The following TIMMDC1 variants were observed in gnomAD, a reference collection of about 807,000 sequenced individuals.
TIMMDC1 encodes the protein complex I assembly factor TIMMDC1, mitochondrial.
In TIMMDC1, 25 loss-of-function variants were observed where a neutral mutation model predicts 32.6. The ratio of observed to expected loss-of-function variants is 0.77; its 90% CI spans 0.56 to 1.07. The LOEUF (loss-of-function observed/expected upper bound fraction) is 1.07. Among genes scored for constraint, TIMMDC1 ranks in the 50% least tolerant of loss-of-function variants. The pLI is 0.00. For synonymous variants in TIMMDC1, 130 were observed against 127.6 expected (o/e 1.02, Z -0.13); for missense variants, 329 against 349.2 (o/e 0.94, Z 0.46).
At position 119,523,695 on chromosome 3, in the gene TIMMDC1, T is replaced by G. The variant is rs771098508; in HGVS notation, c.797T>G (p.Ile266Ser). ...GAACCTGAGAATGATGCTAAGAAAATTGAAGCACTGCTAAACCTTCCTAGA... is the reference window on the plus strand; with the variant it reads ...GAACCTGAGAATGATGCTAAGAAAAGTGAAGCACTGCTAAACCTTCCTAGA... The part of the protein sequence containing the change: ...EDEPENDAKK[I>S]EALLNLPRNP... The change falls in exon 7 of 7, where the codon ATT (isoleucine) becomes AGT (serine). Residue 266 changes from isoleucine to serine, a missense_variant. By Grantham distance (142) the Ile-to-Ser change is moderately radical. Coordinates refer to ENST00000494664, the MANE Select transcript of TIMMDC1 (RefSeq NM_016589.4). 70 of 1,613,424 alleles carry G rather than the reference T, an allele frequency of 4.3e-5. No homozygotes were observed. Among genetic ancestry groups the G allele is most frequent in the Non-Finnish European group, 5.7e-5 (67 of 1,179,782 alleles).
chr3:119,512,587 G>A (rs905058621), intron 4 of TIMMDC1, among the ~76,000 whole-genome samples: 1 of 151,574 alleles, frequency 6.6e-6, no homozygotes, highest in Admixed American at 6.6e-5. Flanking sequence ...CCCAGTTGTT[G>A]TTTTTGTTTT....
At chr3:119,500,526 G>A in intron 1 of TIMMDC1, 169 bp from the exon 2 acceptor site, 1 of 582,032 alleles carries the variant, frequency 1.7e-6, no homozygotes, top group South Asian at 3.0e-5. Context: ...CGTTTTGTCT[G>A]AGACTACGTT....
intron 5 of TIMMDC1, among the ~76,000 whole-genome samples, chr3:119,516,251 C>G (rs1452849094): frequency 6.6e-6 from 1 of 151,828 alleles, no homozygotes; most frequent in Non-Finnish European, 1.5e-5. Context: ...AATTTCCCCT[C>G]CCCATACCCT....
intron 6 of TIMMDC1, among the ~76,000 whole-genome samples, chr3:119,519,430 A>G (rs563192924): frequency 7.2e-5 from 11 of 152,330 alleles, no homozygotes; most frequent in African/African-American, 2.6e-4. Flanking sequence ...GTTCATGCAA[A>G]TGGAAACCAT....
rs553102216 is a variant in TIMMDC1, at chr3:119,499,069, C to G, written c.194+142C>G. Reference sequence around the variant, plus strand: ...TATTTGAGGTTCTGATATTTGTAACCCAAGCTTGTATCTTTTTTCTTTCTT... The same window carrying G: ...TATTTGAGGTTCTGATATTTGTAACGCAAGCTTGTATCTTTTTTCTTTCTT... On this transcript the variant is annotated intron_variant, in intron 1 of 6. Coordinates refer to ENST00000494664, the MANE Select transcript of TIMMDC1 (RefSeq NM_016589.4). 3.1e-4 allele frequency: 205 copies of G among 660,434 alleles called. 1 individual carries two copies. In the Middle Eastern group the frequency reaches 4.6e-3, roughly 15 times the overall value. 40.9% of individuals were successfully genotyped at this position (660,434 alleles called of 1,614,324 possible).
intron 4 of TIMMDC1, among the ~76,000 whole-genome samples, chr3:119,511,248 C>G (rs1490065336): frequency 6.6e-6 from 1 of 151,796 alleles, no homozygotes; most frequent in African/African-American, 2.4e-5. Flanking sequence ...GAAGCTGAGG[C>G]GGGTGGATCA....
In TIMMDC1 at chr3:119,500,814, T is replaced by C. The variant is rs754794760; in HGVS notation, c.314T>C (p.Ile105Thr). Reference sequence around the variant, plus strand: ...TTTATTCATGCTAAACAACAATACATTGAGCAGAGCCAGGCAGAAATTTAT... The same window carrying C: ...TTTATTCATGCTAAACAACAATACACTGAGCAGAGCCAGGCAGAAATTTAT... ...PAFIHAKQQY[I>T]EQSQAEIYHN... Residue 105 changes from isoleucine to threonine, a missense_variant, in exon 2 of 7, where the codon ATT becomes ACT. Ile to Thr is a moderately conservative substitution (Grantham distance 89, BLOSUM62 -1). Coordinates refer to ENST00000494664, the MANE Select transcript of TIMMDC1 (RefSeq NM_016589.4). 2 of 1,614,062 alleles carry C rather than the reference T, an allele frequency of 1.2e-6. No homozygotes were observed. The highest frequency in any genetic ancestry group is 4.5e-5 in the East Asian group (2 of 44,872).
intron 4 of TIMMDC1, among the ~76,000 whole-genome samples, chr3:119,511,664 G>A (rs56149432): frequency 0.11 from 16,114 of 152,082 alleles, 2,098 homozygotes; most frequent in African/African-American, 0.31. Context: ...GACATTAAAT[G>A]TAAACAATGC....
Position 119,498,777 on chromosome 3 carries a change from C to T in TIMMDC1, c.44C>T (p.Ala15Val). The change falls in exon 1 of 7, where the codon GCA becomes GTA. Residue 15 changes from alanine to valine, a missense_variant. Physicochemically the swap from Ala to Val is moderately conservative, Grantham distance 64 (BLOSUM62 0). Transcript: ENST00000494664. ...GCACCGCGGAGCTTTCTCTGTAGAG[C>T]ATTGTGCCTATTTCCCCGAGTCTTT... ...PPAPRSFLCRALCLFPRVFAA... is the reference protein window; with the variant it reads ...PPAPRSFLCRVLCLFPRVFAA... 4 of 1,614,216 alleles carry T rather than the reference C, an allele frequency of 2.5e-6. No homozygotes were observed. The highest frequency in any genetic ancestry group is 3.4e-6 in the Non-Finnish European group (4 of 1,180,032).
chr3:119,515,146 T>G (rs1331843499), intron 5 of TIMMDC1, among the ~76,000 whole-genome samples: 1 of 149,672 alleles, frequency 6.7e-6, no homozygotes, highest in Non-Finnish European at 1.5e-5. Context: ...GAGGCAGAGG[T>G]TGCAGTGAGC....
In TIMMDC1 at chr3:119,498,807, C is replaced by G. The variant is rs771551783; in HGVS notation, c.74C>G (p.Ala25Gly). ...TGCCTATTTCCCCGAGTCTTTGCTGCCGAAGCTGTGACTGCCGATTCGGAA... is the reference window on the plus strand; with the variant it reads ...TGCCTATTTCCCCGAGTCTTTGCTGGCGAAGCTGTGACTGCCGATTCGGAA... ...ALCLFPRVFA[A>G]EAVTADSEVL... The change falls in exon 1 of 7, where the codon GCC becomes GGC. Residue 25 changes from alanine to glycine, a missense_variant. Coordinates refer to ENST00000494664, the MANE Select transcript of TIMMDC1 (RefSeq NM_016589.4). The G allele has an allele frequency of 6.2e-7, 1 of 1,614,232 alleles. No homozygotes were observed. The highest frequency in any genetic ancestry group is 2.2e-5 in the East Asian group (1 of 44,878).
intron 4 of TIMMDC1, among the ~76,000 whole-genome samples, chr3:119,507,099 T>A (rs1454329423): frequency 3.3e-5 from 5 of 152,236 alleles, no homozygotes; most frequent in African/African-American, 1.2e-4. Flanking sequence ...TTGAAAATGA[T>A]ATGCCCAGGT....
intron 1 of TIMMDC1, 123 bp from the exon 2 acceptor site, chr3:119,500,572 G>C (rs2081865664): frequency 1.2e-6 from 1 of 841,742 alleles, no homozygotes; most frequent in Non-Finnish European, 1.8e-6. Flanking sequence ...ATTCATCTGA[G>C]AATTCTACCT....
At chr3:119,505,079 CAAA>C (rs11290294) in intron 4 of TIMMDC1, among the ~76,000 whole-genome samples, 33 of 95,884 alleles carry the variant, frequency 3.4e-4, no homozygotes, top group Middle Eastern at 7.8e-3. Flanking sequence ...ACTCTTGTCT[CAAA>C]AAAAAAAAAA....
Position 119,500,727 on chromosome 3 carries a change from A to T in TIMMDC1, c.227A>T (p.Asn76Ile), listed in dbSNP as rs370903508. 37 of 1,613,700 alleles carry T rather than the reference A, an allele frequency of 2.3e-5. No homozygotes were observed. Among genetic ancestry groups the T allele is most frequent in the Admixed American group, 1.7e-5 (1 of 59,892 alleles). The change falls in exon 2 of 7, where the codon AAT becomes ATT. Residue 76 changes from asparagine to isoleucine, a missense_variant. By Grantham distance (149) the Asn-to-Ile change is moderately radical. Transcript: ENST00000494664. ...CAGAGAATTTCAAAGGACCTTGCTAATATCTGTAAGACGGCAGCTACAGCA... is the reference window on the plus strand; with the variant it reads ...CAGAGAATTTCAAAGGACCTTGCTATTATCTGTAAGACGGCAGCTACAGCA... ...EQQRISKDLA[N>I]ICKTAATAGI...
At chr3:119,513,324 G>A (rs1043249598) in intron 4 of TIMMDC1, among the ~76,000 whole-genome samples, 1 of 136,400 alleles carries the variant, frequency 7.3e-6, no homozygotes, top group Non-Finnish European at 1.6e-5. Context: ...CTTGAAGAAA[G>A]AAGAAAGAAA....
At position 119,503,469 on chromosome 3, in the gene TIMMDC1, A is replaced by C; in HGVS notation, c.361-63A>C. ...TCCATAGCTAAAATTCCTCTACCGC[A>C]GTTCTAGAATAAGGAAAATATGATG... On this transcript the variant is annotated intron_variant, in intron 2 of 6. Coordinates refer to ENST00000494664, the MANE Select transcript of TIMMDC1 (RefSeq NM_016589.4). The C allele has an allele frequency of 7.7e-6, 10 of 1,290,338 alleles. No homozygotes were observed. In the South Asian group the frequency reaches 1.5e-4, roughly 19 times the overall value. The allele number at this position is 1,290,338 out of a possible 1,614,324, so 79.9% of individuals were successfully genotyped here.
At position 119,505,079 on chromosome 3, in the gene TIMMDC1, CAA is replaced by C. The variant is rs11290294; in HGVS notation, c.517+1074_517+1075del. Among the ~76,000 whole-genome samples the C allele has an allele frequency of 4.7e-3, 447 of 95,862 alleles. 1 individual carries two copies. The highest frequency in any genetic ancestry group is 7.5e-3 in the Non-Finnish European group (332 of 44,292). 62.9% of individuals were successfully genotyped at this position (95,862 alleles called of 152,430 possible). ...GGCAACAAGAGTGAAACTCTTGTCT[CAA>C]AAAAAAAAAAAAAAAGTAGATTTTA... is the stretch of plus-strand genomic sequence containing the variant. On this transcript the variant is annotated intron_variant, in intron 4 of 6. Coordinates refer to ENST00000494664, the MANE Select transcript of TIMMDC1 (RefSeq NM_016589.4).
chr3:119,500,262 A>G (rs564831804), intron 1 of TIMMDC1: 1 of 153,014 alleles, frequency 6.5e-6, no homozygotes, highest in African/African-American at 2.4e-5. Context: ...CCAACTCACA[A>G]ATTCTTCCTA....
Sources: gnomAD v4.1 joint callset for allele counts (sites outside exome capture counted in the v4.1 genomes callset) on GRCh38, gnomAD v4.1.1 for gene constraint, MANE v1.5 for transcripts, NCBI Gene and HGNC (gene_info 2026-07-23, HGNC 2026-07-21) for gene names.